The following MAPK10 variants were observed in gnomAD, a reference collection of about 807,000 sequenced individuals.
The protein encoded by MAPK10 is JNK3 alpha protein kinase.
Under a neutral mutation model 59.3 loss-of-function variants are expected in MAPK10, and 25 were observed. That is an observed-to-expected ratio of 0.42 (90% CI 0.31 to 0.59). MAPK10 has a LOEUF of 0.59. MAPK10 is among the 20% of genes least tolerant of loss of function. The pLI is 0.15. For missense variants in MAPK10, 351 were observed against 568.9 expected (o/e 0.62, Z 3.90); for synonymous variants, 190 against 200.5 (o/e 0.95, Z 0.44).
chr4:86,249,300 C>T (rs2093293660), intron 2 of MAPK10, among the ~76,000 whole-genome samples: 1 of 152,148 alleles, frequency 6.6e-6, no homozygotes. Context: ...TTTAGTGGCT[C>T]AGTTATGTAA....
intron 2 of MAPK10, among the ~76,000 whole-genome samples, chr4:86,288,678 T>C (rs1420098332): frequency 6.6e-6 from 1 of 152,106 alleles, no homozygotes; most frequent in African/African-American, 2.4e-5. Context: ...CCAAGTCTTT[T>C]ATGAGCACTG....
chr4:86,543,115 A>G (rs1758855062), intron 1 of MAPK10, among the ~76,000 whole-genome samples: 1 of 152,192 alleles, frequency 6.6e-6, no homozygotes, highest in Admixed American at 6.5e-5. Context: ...AGGAAGTTAA[A>G]GGGATGTGGT....
At chr4:86,080,160 G>GA (rs1242889295) in intron 9 of MAPK10, 2 of 151,646 alleles carry the variant, frequency 1.3e-5, no homozygotes, top group Non-Finnish European at 3.0e-5. Flanking sequence ...TATAAAGAAT[G>GA]AAAAAAATAA....
At chr4:86,212,512 C>T (rs1022717757) in intron 2 of MAPK10, among the ~76,000 whole-genome samples, 1 of 152,062 alleles carries the variant, frequency 6.6e-6, no homozygotes, top group Non-Finnish European at 1.5e-5. Context: ...CAAAGTGAGA[C>T]CCTGTCTTGA....
intron 9 of MAPK10, chr4:86,080,842 A>AT (rs1297850057): frequency 2.6e-5 from 4 of 152,018 alleles, no homozygotes; most frequent in African/African-American, 9.6e-5. Context: ...TTAAAATAGC[A>AT]TTGTATACAA....
Position 86,367,255 on chromosome 4 carries a change from C to A in MAPK10, c.-121-12611G>T, listed in dbSNP as rs575177176. 1.5e-3 allele frequency among the ~76,000 whole-genome samples: 225 copies of A among 152,134 alleles called. 1 individual carries two copies. The highest frequency in any genetic ancestry group is 2.7e-3 in the Non-Finnish European group (181 of 67,970). The stretch of plus-strand genomic sequence containing the variant: ...AATCAATAGAACATGCTGACTGATA[C>A]AATATGAGGGGATGGTGGAGGGTCC... On this transcript the variant is annotated intron_variant, in intron 1 of 13. Coordinates refer to the MAPK10 transcript ENST00000361569.
At chr4:86,067,726 G>T (rs968050091) in intron 10 of MAPK10, 47 bp downstream of exon 10, 3 of 1,511,108 alleles carry the variant, frequency 2.0e-6, no homozygotes, top group Middle Eastern at 1.9e-4. Flanking sequence ...TGCTTGTTTG[G>T]CCCGTCACCC....
intron 2 of MAPK10, among the ~76,000 whole-genome samples, chr4:86,279,086 C>A (rs964699675): frequency 6.6e-6 from 1 of 151,976 alleles, no homozygotes; most frequent in South Asian, 2.1e-4. Context: ...TTTGGGGAAG[C>A]TGGGTGAAGA....
intron 1 of MAPK10, among the ~76,000 whole-genome samples, chr4:86,487,059 A>G (rs932130901): frequency 4.6e-5 from 7 of 152,134 alleles, no homozygotes; most frequent in African/African-American, 7.2e-5. Context: ...AAGCTAAGGA[A>G]ATCTTCCAGA....
chr4:86,511,201 C>T (rs758418920), intron 1 of MAPK10, among the ~76,000 whole-genome samples: 10 of 151,980 alleles, frequency 6.6e-5, no homozygotes, highest in East Asian at 1.9e-4. Context: ...AAACAGGTTT[C>T]GGCTGGGTGT....
At chr4:86,538,126 T>C (rs1176856279) in intron 1 of MAPK10, among the ~76,000 whole-genome samples, 1 of 152,034 alleles carries the variant, frequency 6.6e-6, no homozygotes, top group Non-Finnish European at 1.5e-5. Flanking sequence ...CACATTGTGT[T>C]AATTACTATA....
rs114883244 is a variant in MAPK10 at position 86,425,030 on chromosome 4, G to A, written c.-122+28000C>T. 7.1e-3 allele frequency among the ~76,000 whole-genome samples: 1,085 copies of A among 152,204 alleles called. 7 individuals are homozygous for A. Among genetic ancestry groups the A allele is most frequent in the African/African-American group, 0.02 (831 of 41,540 alleles). The stretch of plus-strand genomic sequence containing the variant: ...AGCAGAATGTCAAGGACCAAATTCC[G>A]TGTTCAAGGTCAAGAGGAAGAAGTA... On this transcript the variant is annotated intron_variant, in intron 1 of 13. Coordinates refer to the MAPK10 transcript ENST00000361569.
chr4:86,141,380 A>T (rs985468917), intron 4 of MAPK10, among the ~76,000 whole-genome samples: 3 of 152,166 alleles, frequency 2.0e-5, no homozygotes, highest in Non-Finnish European at 4.4e-5. Flanking sequence ...TTTTAACCTG[A>T]GGAAATTGTG....
intron 2 of MAPK10, chr4:86,219,872 T>C (rs1469747886): frequency 6.6e-6 from 1 of 152,166 alleles, no homozygotes; most frequent in Non-Finnish European, 1.5e-5. Context: ...AGAACAACCA[T>C]CTATTGAAAA....
chr4:86,146,942 A>G (rs1010701619), intron 4 of MAPK10, among the ~76,000 whole-genome samples: 2 of 152,192 alleles, frequency 1.3e-5, no homozygotes, highest in South Asian at 2.1e-4. Flanking sequence ...ATTCAACTTT[A>G]TATCACTATG....
At chr4:86,552,721 AGT>A (rs1351147667) in intron 1 of MAPK10, among the ~76,000 whole-genome samples, 1 of 151,950 alleles carries the variant, frequency 6.6e-6, no homozygotes, top group Non-Finnish European at 1.5e-5. Flanking sequence ...GGAAAAAGAG[AGT>A]GTCTCTTTTT....
At chr4:86,439,999 C>G (rs572364279) in intron 1 of MAPK10, among the ~76,000 whole-genome samples, 19 of 152,268 alleles carry the variant, frequency 1.2e-4, no homozygotes, top group African/African-American at 4.6e-4. Flanking sequence ...CCTCTCATCT[C>G]TCCTCAAAAT....
intron 1 of MAPK10, among the ~76,000 whole-genome samples, chr4:86,575,894 GA>G (rs1761845883): frequency 6.6e-6 from 1 of 151,646 alleles, no homozygotes; most frequent in Non-Finnish European, 1.5e-5. Flanking sequence ...ACAATAAACA[GA>G]AAAAAATAGC....
chr4:86,470,505 C>T (rs1752569413), intron 1 of MAPK10, among the ~76,000 whole-genome samples: 1 of 151,986 alleles, frequency 6.6e-6, no homozygotes, highest in African/African-American at 2.4e-5. Flanking sequence ...TATTTGCTTT[C>T]CTATATTGTC....
Sources: gnomAD v4.1 joint callset for allele counts (sites outside exome capture counted in the v4.1 genomes callset) on GRCh38, gnomAD v4.1.1 for gene constraint, MANE v1.5 for transcripts, NCBI Gene and HGNC (gene_info 2026-07-23, HGNC 2026-07-21) for gene names.